SLC4A4: variants seen among roughly 807,000 people sequenced by gnomAD.
SLC4A4 encodes the protein solute carrier family 4 member 4, also known as electrogenic sodium bicarbonate cotransporter 1.
A neutral mutation model predicts 111.5 loss-of-function variants in SLC4A4; 27 were observed. That is an observed-to-expected ratio of 0.24 (90% CI 0.18 to 0.33). The LOEUF (loss-of-function observed/expected upper bound fraction) is 0.33, where lower values mean the gene tolerates loss of function less well. SLC4A4 is among the 10% of genes least tolerant of loss of function. The pLI is 1.00. For synonymous variants in SLC4A4, 443 were observed against 463.4 expected (o/e 0.96, Z 0.57); for missense variants, 909 against 1,315.5 (o/e 0.69, Z 4.78).
At chr4:71,376,850 T>C (rs1037625767) in intron 6 of SLC4A4, among the ~76,000 whole-genome samples, 1 of 151,744 alleles carries the variant, frequency 6.6e-6, no homozygotes, top group Admixed American at 6.6e-5. Context: ...TTGCCGAGGC[T>C]GGTCTCGAAC....
intron 16 of SLC4A4, among the ~76,000 whole-genome samples, chr4:71,520,877 C>T (rs763590037): frequency 6.3e-4 from 95 of 151,884 alleles, no homozygotes; most frequent in Admixed American, 3.3e-3. Context: ...GAGAGAGAGA[C>T]GGGGTTTCAC....
chr4:71,378,372 C>T (rs1187332999), intron 6 of SLC4A4, among the ~76,000 whole-genome samples: 2 of 152,148 alleles, frequency 1.3e-5, no homozygotes, highest in Non-Finnish European at 2.9e-5. Flanking sequence ...CAGAAAATCT[C>T]CTGCATACTC....
At chr4:71,293,743 A>G (rs758717573) in intron 3 of SLC4A4, among the ~76,000 whole-genome samples, 3 of 152,192 alleles carry the variant, frequency 2.0e-5, no homozygotes. Context: ...CTTCAGGTCC[A>G]GTTAGATAAT....
chr4:71,449,409 A>C (rs1249442425), intron 9 of SLC4A4, among the ~76,000 whole-genome samples: 2 of 152,174 alleles, frequency 1.3e-5, no homozygotes, highest in Non-Finnish European at 2.9e-5. Flanking sequence ...GTGACTTTCC[A>C]GCCTCTATCA....
intron 2 of SLC4A4, among the ~76,000 whole-genome samples, chr4:71,095,817 G>C (rs540051440): frequency 2.0e-5 from 3 of 152,274 alleles, no homozygotes; most frequent in African/African-American, 7.2e-5. Context: ...GGTATACATA[G>C]GAGGGGAACC....
intron 2 of SLC4A4, among the ~76,000 whole-genome samples, chr4:71,141,015 A>G (rs1001197396): frequency 5.3e-5 from 8 of 152,220 alleles, no homozygotes; most frequent in Admixed American, 1.3e-4. Flanking sequence ...TGGAGAGAAT[A>G]TTTGAAATTT....
intron 18 of SLC4A4, among the ~76,000 whole-genome samples, chr4:71,544,012 A>T (rs1044859268): frequency 1.3e-5 from 2 of 152,028 alleles, no homozygotes; most frequent in Non-Finnish European, 2.9e-5. Flanking sequence ...TGCATCATGC[A>T]CTCTGCTAAG....
At chr4:71,293,525 T>G (rs1034045487) in intron 3 of SLC4A4, among the ~76,000 whole-genome samples, 3 of 150,518 alleles carry the variant, frequency 2.0e-5, no homozygotes, top group Non-Finnish European at 4.4e-5. Flanking sequence ...ATCACACCAC[T>G]GCACTCCAGC....
intron 3 of SLC4A4, among the ~76,000 whole-genome samples, chr4:71,261,290 G>C (rs149830314): frequency 1.5e-3 from 224 of 152,304 alleles, no homozygotes; most frequent in African/African-American, 5.1e-3. Flanking sequence ...GTGTACCAAG[G>C]GTGTCCTTGA....
At chr4:71,392,774 T>C (rs947498232) in intron 6 of SLC4A4, among the ~76,000 whole-genome samples, 99 of 152,200 alleles carry the variant, frequency 6.5e-4, no homozygotes, top group African/African-American at 2.1e-3. Flanking sequence ...AACAAAATAC[T>C]AGCTAACCGA....
intron 1 of SLC4A4, among the ~76,000 whole-genome samples, chr4:71,064,830 A>G (rs941428542): frequency 6.6e-6 from 1 of 152,238 alleles, no homozygotes; most frequent in African/African-American, 2.4e-5. Context: ...CTTGCTAGCT[A>G]TCTAATCGTA....
intron 2 of SLC4A4, among the ~76,000 whole-genome samples, chr4:71,159,646 G>A (rs1744567672): frequency 6.6e-6 from 1 of 152,216 alleles, no homozygotes; most frequent in African/African-American, 2.4e-5. Flanking sequence ...TTACAGGTAT[G>A]AGCCACAGCA....
At chr4:71,156,588 G>GCTCGCGCACACACACACACACA (rs376043069) in intron 2 of SLC4A4, among the ~76,000 whole-genome samples, 2 of 138,512 alleles carry the variant, frequency 1.4e-5, no homozygotes, top group African/African-American at 5.5e-5. Context: ...GCGCGCGCGC[G>GCTCGCGCACACACACACACACA]CACACACACA....
chr4:71,205,778 A>G (rs1717724047), intron 1 of SLC4A4, among the ~76,000 whole-genome samples: 1 of 152,214 alleles, frequency 6.6e-6, no homozygotes, highest in Non-Finnish European at 1.5e-5. Flanking sequence ...TTTTTCTCTT[A>G]TCAGAAAGAT....
chr4:71,366,217 A>T (rs1731286312), intron 6 of SLC4A4, among the ~76,000 whole-genome samples: 1 of 152,098 alleles, frequency 6.6e-6, no homozygotes, highest in African/African-American at 2.4e-5. Flanking sequence ...TGAACATATG[A>T]TGTTGCAATC....
chr4:71,107,135 G>A (rs1742953215), intron 2 of SLC4A4, among the ~76,000 whole-genome samples: 1 of 151,658 alleles, frequency 6.6e-6, no homozygotes, highest in Admixed American at 6.6e-5. Context: ...TATCTATCTT[G>A]TAGATAGCAT....
chr4:71,299,303 T>G (rs1313282204), intron 3 of SLC4A4, among the ~76,000 whole-genome samples: 1 of 152,236 alleles, frequency 6.6e-6, no homozygotes, highest in African/African-American at 2.4e-5. Context: ...GGAACCACTG[T>G]ACACCCTAGA....
chr4:71,258,967 A>G (rs527292531), intron 3 of SLC4A4, among the ~76,000 whole-genome samples: 2 of 152,276 alleles, frequency 1.3e-5, no homozygotes, highest in Admixed American at 6.5e-5. Flanking sequence ...TTCAGAAGCC[A>G]TATTAAGGTG....
chr4:71,363,316 T>G (rs1385138329), intron 6 of SLC4A4, among the ~76,000 whole-genome samples: 4 of 152,176 alleles, frequency 2.6e-5, no homozygotes, highest in Non-Finnish European at 5.9e-5. Context: ...TTAGGCCCAT[T>G]CAGACTATTT....
Sources: allele counts gnomAD v4.1 joint callset (sites outside exome capture counted in the v4.1 genomes callset), GRCh38; gene constraint gnomAD v4.1.1; transcripts MANE v1.5; gene names NCBI Gene and HGNC (gene_info 2026-07-23, HGNC 2026-07-21).